INSL6: variants seen among roughly 807,000 people sequenced by gnomAD.
The protein encoded by INSL6 is insulin like 6, also known as insulin-like peptide INSL6.
INSL6 carries 16 observed loss-of-function variants against 9.4 expected under a neutral mutation model. The observed-to-expected ratio is 1.70, with a 90% confidence interval of 1.15 to 2.59. INSL6 has a LOEUF of 2.59. Ranked by LOEUF, INSL6 falls within the 30% of genes most tolerant of loss-of-function variation. INSL6 has a pLI of 0.00. For synonymous variants in INSL6, 154 were observed against 96.9 expected, an observed-to-expected ratio of 1.59 and a Z score of -3.46; for missense variants, 391 against 257.3, an observed-to-expected ratio of 1.52 and a Z score of -3.56.
chr9:5,174,836 C>A (rs963595162), intron 1 of INSL6, among the ~76,000 whole-genome samples: 9 of 152,194 alleles, frequency 5.9e-5, no homozygotes, highest in African/African-American at 2.2e-4. Context: ...TACCGTCTTC[C>A]AAACCTGTTC....
chr9:5,114,367 C>T, the INSL6 span: 8 of 530,038 alleles, frequency 1.5e-5, no homozygotes, highest in East Asian at 2.7e-4. Context: ...TGCAATGGCA[C>T]GTTCACCATC....
At chr9:5,097,316 A>T in the INSL6 span, 3 of 152,002 alleles carry the variant, frequency 2.0e-5, no homozygotes, top group South Asian at 4.1e-4. Flanking sequence ...CTACTTTTTG[A>T]CCCTGCTGGT....
the INSL6 span, among the ~76,000 whole-genome samples, chr9:5,047,513 T>C: frequency 6.6e-6 from 1 of 152,248 alleles, no homozygotes; most frequent in Non-Finnish European, 1.5e-5. Context: ...TCAACAACAA[T>C]TGGATGTTTA....
chr9:5,179,044 C>CAAAA (rs57246500), intron 1 of INSL6, among the ~76,000 whole-genome samples: 2 of 132,748 alleles, frequency 1.5e-5, no homozygotes, highest in Admixed American at 7.6e-5. Context: ...TTCTGCACAG[C>CAAAA]AAAAAAAAAA....
chr9:5,151,094 G>A (rs1194374030), intron 2 of INSL6, among the ~76,000 whole-genome samples: 1 of 152,122 alleles, frequency 6.6e-6, no homozygotes. Flanking sequence ...AAAGAGGAGG[G>A]GGTGGAGGTG....
intron 1 of INSL6, among the ~76,000 whole-genome samples, chr9:5,169,518 A>G (rs746625827): frequency 2.0e-5 from 3 of 152,212 alleles, no homozygotes; most frequent in Non-Finnish European, 4.4e-5. Flanking sequence ...AAATTCACAC[A>G]TAACAATATT....
the INSL6 span, chr9:5,041,540 G>T: frequency 1.9e-6 from 1 of 536,112 alleles, no homozygotes; most frequent in Non-Finnish European, 3.7e-6. Flanking sequence ...TGCTCTGCGA[G>T]AACTTCCCAG....
the INSL6 span, among the ~76,000 whole-genome samples, chr9:5,105,714 GAGAT>G: frequency 3.3e-5 from 5 of 152,224 alleles, no homozygotes; most frequent in Admixed American, 1.3e-4. Context: ...TACCCAAACA[GAGAT>G]AGACCAATGG....
At chr9:5,087,198 G>C in the INSL6 span, among the ~76,000 whole-genome samples, 1 of 152,210 alleles carries the variant, frequency 6.6e-6, no homozygotes, top group Admixed American at 6.5e-5. Flanking sequence ...TTAATTGACT[G>C]ACAGTTACCC....
intron 2 of INSL6, among the ~76,000 whole-genome samples, chr9:5,134,366 G>A (rs1023405122): frequency 7.2e-5 from 11 of 152,102 alleles, no homozygotes; most frequent in African/African-American, 2.4e-5. Flanking sequence ...TCCTCGAGAA[G>A]AGCAACCCCA....
At chr9:5,129,951 A>T (rs1488877465) in intron 3 of INSL6, among the ~76,000 whole-genome samples, 1 of 152,174 alleles carries the variant, frequency 6.6e-6, no homozygotes, top group Non-Finnish European at 1.5e-5. Flanking sequence ...TTAAAAAATT[A>T]ATTTCAGTTG....
the INSL6 span, among the ~76,000 whole-genome samples, chr9:5,063,334 G>T: frequency 6.6e-6 from 1 of 152,170 alleles, no homozygotes; most frequent in East Asian, 1.9e-4. Flanking sequence ...AATCAAACCT[G>T]TCATATATGA....
chr9:4,992,245 C>T, the INSL6 span, among the ~76,000 whole-genome samples: 1 of 152,124 alleles, frequency 6.6e-6, no homozygotes, highest in Non-Finnish European at 1.5e-5. Context: ...CCTGGATTTC[C>T]TCACAATATG....
At chr9:5,007,458 AT>A in the INSL6 span, among the ~76,000 whole-genome samples, 1 of 152,082 alleles carries the variant, frequency 6.6e-6, no homozygotes, top group African/African-American at 2.4e-5. Context: ...TTTAGGTGCC[AT>A]TGGCAAATTT....
the INSL6 span, among the ~76,000 whole-genome samples, chr9:5,116,885 G>A: frequency 6.6e-6 from 1 of 152,216 alleles, no homozygotes; most frequent in Admixed American, 6.5e-5. Context: ...AAGTGTAAGT[G>A]CAATAATTAA....
chr9:5,073,670 A>T, the INSL6 span: 1 of 1,536,166 alleles, frequency 6.5e-7, no homozygotes, highest in African/African-American at 1.4e-5. Context: ...GTCAAACAAC[A>T]ATTCTTTGTA....
At chr9:5,055,750 C>G in the INSL6 span, 1 of 1,610,192 alleles carries the variant, frequency 6.2e-7, no homozygotes, top group Non-Finnish European at 8.5e-7. Context: ...AAATGAAAGC[C>G]GAGTTGTAAC....
chr9:5,161,025 A>G (rs1824914827), downstream of INSL6, among the ~76,000 whole-genome samples: 1 of 152,154 alleles, frequency 6.6e-6, no homozygotes, highest in Non-Finnish European at 1.5e-5. Context: ...AACTAATACC[A>G]ACTCTACTCA....
chr9:5,121,028 C>G (rs1360725142), downstream of INSL6, among the ~76,000 whole-genome samples: 1 of 152,088 alleles, frequency 6.6e-6, no homozygotes, highest in Non-Finnish European at 1.5e-5. Context: ...ATGATACTAT[C>G]TAAGGGAAAG....
Sources: gnomAD v4.1 joint callset for allele counts (sites outside exome capture counted in the v4.1 genomes callset) on GRCh38, gnomAD v4.1.1 for gene constraint, MANE v1.5 for transcripts, NCBI Gene and HGNC (gene_info 2026-07-23, HGNC 2026-07-21) for gene names.